The following PCYOX1 variants were observed in gnomAD, a reference collection of about 807,000 sequenced individuals.
PCYOX1 encodes prenylcysteine lyase.
PCYOX1 carries 46 observed loss-of-function variants against 46.4 expected under a neutral mutation model. The ratio of observed to expected loss-of-function variants is 0.99; its 90% CI spans 0.78 to 1.27. PCYOX1 has a LOEUF of 1.27. Ranked by LOEUF, PCYOX1 falls within the 50% of genes most tolerant of loss-of-function variation. PCYOX1 has a pLI of 0.00. For synonymous variants in PCYOX1, 220 were observed against 231.8 expected (o/e 0.95, Z 0.46); for missense variants, 658 against 628.3 (o/e 1.05, Z -0.51).
chr2:70,269,638 T>G (rs1254338827), intron 3 of PCYOX1, among the ~76,000 whole-genome samples: 1 of 151,832 alleles, frequency 6.6e-6, no homozygotes, highest in East Asian at 2.0e-4. Flanking sequence ...CACCCGGCCT[T>G]TTTTAAAAAG....
intron 3 of PCYOX1, among the ~76,000 whole-genome samples, chr2:70,268,901 G>A (rs1029583104): frequency 5.3e-5 from 8 of 151,806 alleles, no homozygotes; most frequent in Non-Finnish European, 7.4e-5. Context: ...AGAAGAAACC[G>A]AATGCATCCA....
At chr2:70,272,444 TACAG>T (rs1199868106) in intron 3 of PCYOX1, among the ~76,000 whole-genome samples, 1 of 152,054 alleles carries the variant, frequency 6.6e-6, no homozygotes, top group Non-Finnish European at 1.5e-5. Flanking sequence ...ACATTTTGTG[TACAG>T]ACAGAGTCTT....
At chr2:70,275,376 G>C in intron 4 of PCYOX1, 138 bp from the exon 5 acceptor site, 1 of 906,450 alleles carries the variant, frequency 1.1e-6, no homozygotes, top group South Asian at 1.6e-5. Flanking sequence ...TTCTTAACTG[G>C]GGGAGATTTT....
intron 3 of PCYOX1, among the ~76,000 whole-genome samples, chr2:70,262,254 C>G (rs1307162183): frequency 6.6e-6 from 1 of 152,046 alleles, no homozygotes; most frequent in East Asian, 1.9e-4. Flanking sequence ...CAACCTCTGC[C>G]TCTTGGGTTC....
chr2:70,263,007 G>C (rs904278272), intron 3 of PCYOX1, among the ~76,000 whole-genome samples: 19 of 152,156 alleles, frequency 1.2e-4, no homozygotes, highest in African/African-American at 3.6e-4. Flanking sequence ...GCTGAGGCTG[G>C]TGGATCACCT....
intron 5 of PCYOX1, 74 bp downstream of exon 5, chr2:70,275,740 T>G: frequency 1.5e-6 from 2 of 1,304,814 alleles, no homozygotes; most frequent in South Asian, 2.4e-5. Flanking sequence ...ACTTCTCTTC[T>G]GTCATCTCTT....
chr2:70,275,820 C>T (rs1446391543), intron 5 of PCYOX1, among the ~76,000 whole-genome samples, 154 bp downstream of exon 5: 1 of 152,024 alleles, frequency 6.6e-6, no homozygotes, highest in African/African-American at 2.4e-5. Context: ...CCCAATGGGC[C>T]AGGCACGGTG....
At chr2:70,266,096 C>T (rs1355352923) in intron 3 of PCYOX1, among the ~76,000 whole-genome samples, 1 of 152,094 alleles carries the variant, frequency 6.6e-6, no homozygotes, top group Non-Finnish European at 1.5e-5. Context: ...ACAAGATGTC[C>T]ATGTCTTAAT....
rs540476346 is a variant in PCYOX1 at position 70,259,716 on chromosome 2, T to C, written c.319+150T>C. The C allele has an allele frequency of 1.2e-4, 81 of 648,112 alleles. No individual in the cohort carries two copies. The African/African-American group carries it at 1.3e-3, about 11-fold the overall frequency. The allele number at this position is 648,112 out of a possible 1,614,324, so 40.1% of individuals were successfully genotyped here. A position where few individuals can be genotyped will look rare whatever the true frequency, so the allele number is the denominator to read the frequency against. On this transcript the variant is annotated intron_variant, in intron 2 of 5. Coordinates refer to ENST00000433351, the MANE Select transcript of PCYOX1 (RefSeq NM_016297.4). ...TCCTCACTTTCTTGTTAGTTGGTAC[T>C]GCCTGAGTTAGGAGCAGTTCTGCTG...
At chr2:70,276,706 C>G in intron 5 of PCYOX1, 28 bp from the exon 6 acceptor site, 1 of 1,373,826 alleles carries the variant, frequency 7.3e-7, no homozygotes, top group Non-Finnish European at 1.0e-6. Context: ...AAACACTAAA[C>G]AAATATATGC....
At chr2:70,272,276 G>A (rs1441474166) in intron 3 of PCYOX1, among the ~76,000 whole-genome samples, 5 of 151,924 alleles carry the variant, frequency 3.3e-5, no homozygotes, top group African/African-American at 9.7e-5. Flanking sequence ...ACAGGCATGC[G>A]CCACCATGCC....
intron 2 of PCYOX1, among the ~76,000 whole-genome samples, chr2:70,260,110 C>T (rs1210896243): frequency 2.6e-5 from 4 of 152,162 alleles, no homozygotes; most frequent in African/African-American, 4.8e-5. Flanking sequence ...CCACCGTGCC[C>T]GGCCTCTGTT....
chr2:70,276,925 G>A lies in PCYOX1; in HGVS notation c.1051G>A (p.Glu351Lys). The stretch of plus-strand genomic sequence containing the variant: ...TATAGTGACAACTTTAGTTAAGGGG[G>A]AATTGAATACATCTATCTTTAGCTC... ...QHIVTTLVKG[E>K]LNTSIFSSRP... Residue 351 changes from glutamate (E) to lysine (K), a missense_variant, in exon 6 of 6, where the codon GAA (glutamate) becomes AAA (lysine). Coordinates refer to ENST00000433351, the MANE Select transcript of PCYOX1 (RefSeq NM_016297.4). 6.2e-7 allele frequency: 1 copy of A among 1,611,580 alleles called. No individual in the cohort carries two copies.
chr2:70,276,710 T>C (rs765668254), intron 5 of PCYOX1, 24 bp from the exon 6 acceptor site: 83 of 1,409,830 alleles, frequency 5.9e-5, no homozygotes, highest in Non-Finnish European at 7.9e-5. Context: ...ACTAAACAAA[T>C]ATATGCCTCC....
At chr2:70,257,975 T>A (rs1696366451), upstream of PCYOX1, 3 of 454,188 alleles carry the variant, frequency 6.6e-6, no homozygotes, top group Non-Finnish European at 1.2e-5. Context: ...GGGCACTGAG[T>A]GGCCCAGAGT....
intron 4 of PCYOX1, 92 bp from the exon 5 acceptor site, chr2:70,275,422 T>G: frequency 7.6e-7 from 1 of 1,318,928 alleles, no homozygotes; most frequent in Non-Finnish European, 1.1e-6. Flanking sequence ...CTAGAGACAT[T>G]TGGAGTAGAA....
intron 2 of PCYOX1, among the ~76,000 whole-genome samples, chr2:70,260,284 C>T (rs533932595): frequency 6.6e-6 from 1 of 152,306 alleles, no homozygotes; most frequent in South Asian, 2.1e-4. Context: ...GTGGCTCATG[C>T]CTGTAATCCC....
At chr2:70,273,631 C>T (rs774233196) in intron 3 of PCYOX1, among the ~76,000 whole-genome samples, 1 of 152,042 alleles carries the variant, frequency 6.6e-6, no homozygotes, top group African/African-American at 2.4e-5. Flanking sequence ...AACTATAAGC[C>T]CCTTAAGGGA....
intron 3 of PCYOX1, among the ~76,000 whole-genome samples, chr2:70,273,258 C>G (rs1021027846): frequency 2.6e-5 from 4 of 152,108 alleles, no homozygotes; most frequent in Non-Finnish European, 2.9e-5. Flanking sequence ...GATATCCAGG[C>G]TATTATTTTT....
Sources: allele counts gnomAD v4.1 joint callset (sites outside exome capture counted in the v4.1 genomes callset), GRCh38; gene constraint gnomAD v4.1.1; transcripts MANE v1.5; gene names NCBI Gene and HGNC (gene_info 2026-07-23, HGNC 2026-07-21).